The following RORA variants were observed in gnomAD, a reference collection of about 807,000 sequenced individuals.
The protein encoded by RORA is RAR related orphan receptor A.
RORA carries 7 observed loss-of-function variants against 69.5 expected under a neutral mutation model. That is an observed-to-expected ratio of 0.10 (90% CI 0.06 to 0.19). The LOEUF is 0.19. Ranked by LOEUF, RORA falls within the 10% of genes least tolerant of loss-of-function variation. The pLI, the probability that RORA is intolerant of heterozygous loss-of-function variation, is 1.00. For synonymous variants in RORA, 261 were observed against 240.8 expected (o/e 1.08, Z -0.78); for missense variants, 457 against 663.0 (o/e 0.69, Z 3.41).
At chr15:60,538,733 C>T (rs1034642452) in intron 2 of RORA, among the ~76,000 whole-genome samples, 8 of 151,900 alleles carry the variant, frequency 5.3e-5, no homozygotes, top group Non-Finnish European at 1.0e-4. Flanking sequence ...ACGGTCTTGT[C>T]GGGGCATCAT....
intron 2 of RORA, among the ~76,000 whole-genome samples, chr15:60,619,728 A>T (rs1395707448): frequency 1.3e-5 from 2 of 152,208 alleles, no homozygotes; most frequent in African/African-American, 4.8e-5. Flanking sequence ...TCACACAAGG[A>T]TCATCCATCT....
chr15:60,566,158 G>A (rs1385178146), intron 2 of RORA, among the ~76,000 whole-genome samples: 1 of 152,126 alleles, frequency 6.6e-6, no homozygotes, highest in African/African-American at 2.4e-5. Flanking sequence ...ATTATGGAGA[G>A]CAGAGTTCAA....
intron 1 of RORA, among the ~76,000 whole-genome samples, chr15:60,926,205 C>T (rs1892214016): frequency 1.3e-5 from 2 of 152,324 alleles, no homozygotes; most frequent in East Asian, 3.9e-4. Flanking sequence ...TAGTGACACA[C>T]AGCTATTCGA....
chr15:60,945,337 G>T (rs977858141), intron 1 of RORA, among the ~76,000 whole-genome samples: 4 of 152,176 alleles, frequency 2.6e-5, no homozygotes, highest in Non-Finnish European at 4.4e-5. Flanking sequence ...AAGGCACAGT[G>T]CTGGCTTCTT....
At chr15:60,819,992 G>A (rs2072872753) in intron 1 of RORA, among the ~76,000 whole-genome samples, 1 of 152,248 alleles carries the variant, frequency 6.6e-6, no homozygotes, top group Admixed American at 6.5e-5. Context: ...TCTGGAAGGA[G>A]CTGTCTCTCA....
chr15:61,172,155 T>C lies in RORA; in HGVS notation c.166+56898A>G, dbSNP rs113292607. On this transcript the variant is annotated intron_variant, in intron 1 of 10. Coordinates refer to ENST00000335670, the MANE Select transcript of RORA (RefSeq NM_134261.3). ...GATGAAGAAACAAAAAAAAATGGTATAGTGTCCTTACACAGCAGATGAATA... is the reference window on the plus strand; with the variant it reads ...GATGAAGAAACAAAAAAAAATGGTACAGTGTCCTTACACAGCAGATGAATA... Among the ~76,000 whole-genome samples the C allele has an allele frequency of 8.5e-3, 1,293 of 152,286 alleles. 11 individuals carry two copies. The highest frequency in any genetic ancestry group is 0.014 in the Middle Eastern group (4 of 294).
chr15:61,136,327 C>T (rs1356734742), intron 1 of RORA, among the ~76,000 whole-genome samples: 1 of 152,182 alleles, frequency 6.6e-6, no homozygotes, highest in Non-Finnish European at 1.5e-5. Context: ...TGCTGACAGG[C>T]ACTGTTATCC....
intron 1 of RORA, among the ~76,000 whole-genome samples, chr15:60,958,026 T>G (rs1029412741): frequency 1.1e-4 from 17 of 152,098 alleles, no homozygotes; most frequent in Non-Finnish European, 4.4e-5. Context: ...TGATTCAATG[T>G]CTCCTTTGAA....
chr15:60,575,734 A>T (rs1251042736), intron 2 of RORA, among the ~76,000 whole-genome samples: 2 of 152,234 alleles, frequency 1.3e-5, no homozygotes, highest in Non-Finnish European at 2.9e-5. Context: ...ATCACCGAAT[A>T]ATGCAAAACT....
At chr15:61,116,354 G>T (rs1405919766) in intron 1 of RORA, among the ~76,000 whole-genome samples, 2 of 152,090 alleles carry the variant, frequency 1.3e-5, no homozygotes, top group African/African-American at 4.8e-5. Flanking sequence ...ACAGTATAGG[G>T]CTTGGCTATG....
chr15:60,755,898 T>G (rs1197029532), intron 1 of RORA, among the ~76,000 whole-genome samples: 1 of 152,210 alleles, frequency 6.6e-6, no homozygotes, highest in Non-Finnish European at 1.5e-5. Context: ...CGGCTTAACC[T>G]GCATTCATTC....
At chr15:61,099,842 C>A (rs760447486) in intron 1 of RORA, among the ~76,000 whole-genome samples, 1 of 152,144 alleles carries the variant, frequency 6.6e-6, no homozygotes, top group Non-Finnish European at 1.5e-5. Context: ...ATCCTTCTAC[C>A]CTTAGGTGAA....
At chr15:60,807,050 A>T (rs1248802971) in intron 1 of RORA, among the ~76,000 whole-genome samples, 1 of 152,208 alleles carries the variant, frequency 6.6e-6, no homozygotes, top group African/African-American at 2.4e-5. Flanking sequence ...TAGTACTGGA[A>T]GTCCTAGTCA....
chr15:60,728,673 G>A (rs772408110), intron 1 of RORA, among the ~76,000 whole-genome samples: 1 of 152,020 alleles, frequency 6.6e-6, no homozygotes, highest in Non-Finnish European at 1.5e-5. Flanking sequence ...CACACTAAAA[G>A]GATCTGCAGA....
intron 1 of RORA, among the ~76,000 whole-genome samples, chr15:60,927,818 C>T (rs1162507355): frequency 6.6e-6 from 1 of 152,072 alleles, no homozygotes; most frequent in African/African-American, 2.4e-5. Flanking sequence ...AAACCTAATC[C>T]CTGCAGAATG....
chr15:61,191,468 C>G (rs957800764), intron 1 of RORA, among the ~76,000 whole-genome samples: 1 of 152,140 alleles, frequency 6.6e-6, no homozygotes, highest in African/African-American at 2.4e-5. Context: ...ACAACCAGCC[C>G]CTTCCTCATT....
chr15:60,657,007 G>A (rs759304358), intron 2 of RORA, among the ~76,000 whole-genome samples: 7 of 152,134 alleles, frequency 4.6e-5, no homozygotes, highest in Non-Finnish European at 7.3e-5. Context: ...CTGAAGAGTG[G>A]GATTTGTGAG....
intron 2 of RORA, among the ~76,000 whole-genome samples, chr15:60,650,073 T>G (rs2070116754): frequency 6.6e-6 from 1 of 152,174 alleles, no homozygotes; most frequent in Non-Finnish European, 1.5e-5. Flanking sequence ...ATCCTAAGAC[T>G]TAGCAGAACT....
chr15:60,807,522 T>C (rs1438314442), intron 1 of RORA, among the ~76,000 whole-genome samples: 1 of 152,124 alleles, frequency 6.6e-6, no homozygotes, highest in Non-Finnish European at 1.5e-5. Context: ...ACAAATTCAA[T>C]GCAATTCTCA....
Sources: gnomAD v4.1 joint callset for allele counts (sites outside exome capture counted in the v4.1 genomes callset) on GRCh38, gnomAD v4.1.1 for gene constraint, MANE v1.5 for transcripts, NCBI Gene and HGNC (gene_info 2026-07-23, HGNC 2026-07-21) for gene names.